NIM1K: variants seen among roughly 807,000 people sequenced by gnomAD.
NIM1K encodes the protein NIM1 serine/threonine protein kinase, also known as serine/threonine-protein kinase NIM1.
A neutral mutation model predicts 37.1 loss-of-function variants in NIM1K; 35 were observed. The observed-to-expected ratio is 0.94, with a 90% CI of 0.72 to 1.25. NIM1K has a LOEUF of 1.25. Ranked by LOEUF, NIM1K falls within the 50% of genes most tolerant of loss-of-function variation. The probability of loss-of-function intolerance (pLI) is 0.00; values close to 1 mark genes in which losing one functional copy is unlikely to be tolerated. For missense variants in NIM1K, 564 were observed against 548.0 expected, an observed-to-expected ratio of 1.03 and a Z score of -0.29; for synonymous variants, 234 against 206.6, an observed-to-expected ratio of 1.13 and a Z score of -1.14.
intron 2 of NIM1K, among the ~76,000 whole-genome samples, chr5:43,258,333 AATTT>A (rs1326626781): frequency 6.6e-6 from 1 of 152,186 alleles, no homozygotes; most frequent in African/African-American, 2.4e-5. Context: ...GTAGTACCAC[AATTT>A]ATTTATCCAT....
At chr5:43,200,166 C>A (rs922525614) in intron 1 of NIM1K, among the ~76,000 whole-genome samples, 1 of 152,156 alleles carries the variant, frequency 6.6e-6, no homozygotes, top group African/African-American at 2.4e-5. Flanking sequence ...AGCCACTGCA[C>A]CCGGCCGTCC....
rs148425958 is a variant in NIM1K at position 43,263,161 on chromosome 5, A to G, written c.293-13896A>G. Among the ~76,000 whole-genome samples, 713 of 152,070 alleles carry G rather than the reference A, an allele frequency of 4.7e-3. 6 individuals are homozygous for G. Among genetic ancestry groups the G allele is most frequent in the African/African-American group, 0.015 (622 of 41,482 alleles). On this transcript the variant is annotated intron_variant, in intron 2 of 3. Transcript: ENST00000326035. ...GGGAGGATTCCCTCTTTTTCTATTGATTGGAATAGTTTCAGAAGGAATGGT... is the reference window on the plus strand; with the variant it reads ...GGGAGGATTCCCTCTTTTTCTATTGGTTGGAATAGTTTCAGAAGGAATGGT...
intron 2 of NIM1K, among the ~76,000 whole-genome samples, chr5:43,265,852 C>A (rs1371040604): frequency 6.6e-6 from 1 of 152,230 alleles, no homozygotes; most frequent in Non-Finnish European, 1.5e-5. Flanking sequence ...ACAGACAGGA[C>A]CCTCAGCTGC....
At chr5:43,250,085 C>G (rs1161006608) in intron 2 of NIM1K, among the ~76,000 whole-genome samples, 1 of 151,936 alleles carries the variant, frequency 6.6e-6, no homozygotes, top group African/African-American at 2.4e-5. Context: ...ATCTCCTGAC[C>G]TCGTGATCTG....
At chr5:43,279,688 ATG>A (rs1753407505) in intron 3 of NIM1K, among the ~76,000 whole-genome samples, 1 of 152,212 alleles carries the variant, frequency 6.6e-6, no homozygotes, top group Admixed American at 6.5e-5. Flanking sequence ...GTATTTCAGA[ATG>A]TGTAGTTTCA....
intron 1 of NIM1K, among the ~76,000 whole-genome samples, chr5:43,209,815 AC>A (rs773359704): frequency 7.2e-5 from 11 of 152,118 alleles, no homozygotes; most frequent in Non-Finnish European, 1.5e-4. Context: ...GGGTTTCACC[AC>A]GTTAGCCAGG....
rs13167052 is a variant in NIM1K at position 43,272,037 on chromosome 5, A to T, written c.293-5020A>T. The stretch of plus-strand genomic sequence containing the variant: ...ATTGCTGAGTGGTATTCCACGTATG[A>T]AGGTACCACAATTTGTTTAACCATT... On this transcript the variant is annotated intron_variant, in intron 2 of 3. Coordinates refer to ENST00000326035, the MANE Select transcript of NIM1K (RefSeq NM_153361.4). Among the ~76,000 whole-genome samples, 1,160 of 152,344 alleles carry T rather than the reference A, an allele frequency of 7.6e-3. 10 individuals carry two copies. The highest frequency in any genetic ancestry group is 0.034 in the Middle Eastern group (10 of 294).
At chr5:43,233,431 G>A (rs1180667034) in intron 1 of NIM1K, among the ~76,000 whole-genome samples, 2 of 152,174 alleles carry the variant, frequency 1.3e-5, no homozygotes, top group Non-Finnish European at 2.9e-5. Context: ...TGTGTGAAGG[G>A]ATCACTTACC....
chr5:43,280,416 C>T lies in NIM1K; in HGVS notation c.998C>T (p.Pro333Leu). The T allele has an allele frequency of 6.2e-7, 1 of 1,614,192 alleles. No homozygotes were observed. Among genetic ancestry groups the T allele is most frequent in the Middle Eastern group, 1.6e-4 (1 of 6,062 alleles). ...EWMQGVPYPT[P>L]LEPFQLDPKH... ...ATGCAAGGGGTGCCATACCCTACACCTTTGGAACCTTTCCAACTGGATCCC... is the reference window on the plus strand; with the variant it reads ...ATGCAAGGGGTGCCATACCCTACACTTTTGGAACCTTTCCAACTGGATCCC... Residue 333 changes from proline to leucine, a missense_variant, in exon 4 of 4, where the codon CCT becomes CTT. Coordinates refer to ENST00000326035, the MANE Select transcript of NIM1K (RefSeq NM_153361.4).
intron 2 of NIM1K, among the ~76,000 whole-genome samples, chr5:43,272,617 C>T (rs1286231966): frequency 6.6e-6 from 1 of 152,200 alleles, no homozygotes; most frequent in Non-Finnish European, 1.5e-5. Flanking sequence ...AGGAAAGCCT[C>T]AGCTTCTCTC....
intron 2 of NIM1K, among the ~76,000 whole-genome samples, chr5:43,269,896 G>T (rs946422675): frequency 1.3e-5 from 2 of 152,132 alleles, no homozygotes; most frequent in Admixed American, 1.3e-4. Context: ...GGGATTACAG[G>T]TGTGAGCCAC....
At chr5:43,277,860 A>G (rs950180853) in intron 3 of NIM1K, among the ~76,000 whole-genome samples, 10 of 150,822 alleles carry the variant, frequency 6.6e-5, no homozygotes, top group Non-Finnish European at 1.5e-4. Flanking sequence ...TCAATCTCAC[A>G]TCAGTTATAC....
chr5:43,206,322 AC>A (rs1165868211), intron 1 of NIM1K, among the ~76,000 whole-genome samples: 3 of 151,636 alleles, frequency 2.0e-5, no homozygotes, highest in Admixed American at 6.6e-5. Flanking sequence ...ACATATTGAG[AC>A]CTTGTCTTTA....
chr5:43,192,660 G>C lies in NIM1K; in HGVS notation c.-695+249G>C, dbSNP rs145060535. Among the ~76,000 whole-genome samples the C allele has an allele frequency of 4.6e-3, 702 of 152,376 alleles. 3 individuals are homozygous for C. Among genetic ancestry groups the C allele is most frequent in the African/African-American group, 0.016 (680 of 41,598 alleles). ...GGAGGGGGCATTAGAGCCAGGGCGAGAGCGTGCTCGCGCGTGTGTGCCCGT... is the reference window on the plus strand; with the variant it reads ...GGAGGGGGCATTAGAGCCAGGGCGACAGCGTGCTCGCGCGTGTGTGCCCGT... On this transcript the variant is annotated intron_variant, in intron 1 of 3. Transcript: ENST00000326035.
intron 2 of NIM1K, among the ~76,000 whole-genome samples, chr5:43,266,432 A>G (rs1245979920): frequency 1.3e-5 from 2 of 152,226 alleles, no homozygotes; most frequent in African/African-American, 4.8e-5. Flanking sequence ...GGTGCGGGAT[A>G]TGATCTCCTG....
In NIM1K at chr5:43,245,932, C is replaced by T. The variant is rs767110159; in HGVS notation, c.157C>T (p.Gln53Ter). The T allele has an allele frequency of 4.3e-6, 7 of 1,614,116 alleles. No homozygotes were observed. The highest frequency in any genetic ancestry group is 5.9e-6 in the Non-Finnish European group (7 of 1,180,012). ...GCTGACGCCCTTCGAGAAACTGACACAGGACATGTCCCAGGATGAGAAGGT... is the reference window on the plus strand; with the variant it reads ...GCTGACGCCCTTCGAGAAACTGACATAGGACATGTCCCAGGATGAGAAGGT... ...RQLTPFEKLT[Q>*]DMSQDEKVVR... is the part of the protein sequence containing the mutation. The change falls in exon 2 of 4, where the codon CAG (glutamine) becomes TAG (stop). Residue 53 changes from glutamine to a stop codon, truncating the protein, a stop_gained. Transcript: ENST00000326035. LOFTEE classifies it high-confidence loss of function.
At chr5:43,227,503 G>A (rs1752474421) in intron 1 of NIM1K, among the ~76,000 whole-genome samples, 1 of 152,188 alleles carries the variant, frequency 6.6e-6, no homozygotes, top group Non-Finnish European at 1.5e-5. Context: ...AAACTCTCTT[G>A]AATCCAACCC....
chr5:43,220,550 G>A (rs1579963097), intron 1 of NIM1K, among the ~76,000 whole-genome samples: 1 of 152,066 alleles, frequency 6.6e-6, no homozygotes, highest in Admixed American at 6.6e-5. Flanking sequence ...CAAAGTGCTG[G>A]GATTACAGGC....
At chr5:43,213,212 TC>T (rs1561074873) in intron 1 of NIM1K, among the ~76,000 whole-genome samples, 4,183 of 64,570 alleles carry the variant, frequency 0.065, 213 homozygotes, top group African/African-American at 0.12. Context: ...TTTCTTTCTT[TC>T]TTTCTTTCTT....
Sources: allele counts gnomAD v4.1 joint callset (sites outside exome capture counted in the v4.1 genomes callset), GRCh38; gene constraint gnomAD v4.1.1; transcripts MANE v1.5; gene names NCBI Gene and HGNC (gene_info 2026-07-23, HGNC 2026-07-21).